The following CBFA2T3 variants were observed in gnomAD, a reference collection of about 807,000 sequenced individuals.
CBFA2T3 encodes transcriptional corepressor CBFA2T3.
A neutral mutation model predicts 58.6 loss-of-function variants in CBFA2T3; 31 were observed. The observed-to-expected ratio is 0.53, with a 90% confidence interval of 0.40 to 0.71. CBFA2T3 has a LOEUF of 0.71. Ranked by LOEUF, CBFA2T3 falls within the 30% of genes least tolerant of loss-of-function variation. The pLI is 0.00. For synonymous variants in CBFA2T3, 531 were observed against 421.9 expected, an observed-to-expected ratio of 1.26 and a Z score of -3.17; for missense variants, 1,076 against 963.1, an observed-to-expected ratio of 1.12 and a Z score of -1.55.
intron 1 of CBFA2T3, among the ~76,000 whole-genome samples, chr16:88,923,756 G>T (rs958083844): frequency 6.6e-6 from 1 of 152,214 alleles, no homozygotes; most frequent in Non-Finnish European, 1.5e-5. Context: ...TGGAACTCGG[G>T]CTCTGGGCTC....
chr16:88,919,894 G>A (rs1278716647), intron 1 of CBFA2T3, among the ~76,000 whole-genome samples: 1 of 152,236 alleles, frequency 6.6e-6, no homozygotes, highest in Non-Finnish European at 1.5e-5. Flanking sequence ...AGGGGCCAAT[G>A]ATAGCGTCTC....
intron 1 of CBFA2T3, among the ~76,000 whole-genome samples, chr16:88,949,432 G>A (rs1225939728): frequency 2.6e-5 from 4 of 152,052 alleles, no homozygotes; most frequent in Non-Finnish European, 4.4e-5. Flanking sequence ...GATGGTGTGT[G>A]CCTGTAGTCC....
chr16:88,934,021 T>C, intron 1 of CBFA2T3, among the ~76,000 whole-genome samples: 1 of 152,252 alleles, frequency 6.6e-6, no homozygotes, highest in East Asian at 1.9e-4. Context: ...CTGGGTTAAG[T>C]AAGATTATAT....
chr16:88,924,110 G>A (rs922428993), intron 1 of CBFA2T3, among the ~76,000 whole-genome samples: 3 of 151,640 alleles, frequency 2.0e-5, no homozygotes, highest in Admixed American at 6.6e-5. Flanking sequence ...TGGGAGGGCC[G>A]CGCCTGCTGG....
intron 1 of CBFA2T3, among the ~76,000 whole-genome samples, chr16:88,921,042 G>A (rs544612870): frequency 9.7e-4 from 148 of 152,334 alleles, no homozygotes; most frequent in African/African-American, 3.5e-3. Flanking sequence ...TCCTCTTGGC[G>A]GAACCTCCCT....
chr16:88,911,858 C>T (rs1970541710), intron 1 of CBFA2T3, among the ~76,000 whole-genome samples: 1 of 151,882 alleles, frequency 6.6e-6, no homozygotes, highest in South Asian at 2.1e-4. Flanking sequence ...ATCGGAGAGC[C>T]TCTGGGGCAC....
At chr16:88,895,705 T>C (rs1202369312) in intron 3 of CBFA2T3, among the ~76,000 whole-genome samples, 1 of 152,050 alleles carries the variant, frequency 6.6e-6, no homozygotes, top group East Asian at 1.9e-4. Flanking sequence ...AGATACCCAC[T>C]GCAGGGGCTG....
intron 8 of CBFA2T3, among the ~76,000 whole-genome samples, chr16:88,882,367 T>TG (rs1364473371): frequency 1.4e-5 from 2 of 145,084 alleles, no homozygotes; most frequent in Non-Finnish European, 3.0e-5. Flanking sequence ...GCTGTGTACA[T>TG]GGGGGGGTTG....
At position 88,876,470 on chromosome 16, in the gene CBFA2T3, T is replaced by G; in HGVS notation, c.*506A>C. 1 of 231,844 alleles carries G rather than the reference T, an allele frequency of 4.3e-6. No homozygotes were observed. Among genetic ancestry groups the G allele is most frequent in the East Asian group, 6.1e-5 (1 of 16,338 alleles). 14.4% of individuals were successfully genotyped at this position (231,844 alleles called of 1,614,324 possible). On this transcript the variant is annotated 3_prime_UTR_variant, in exon 12 of 12. Transcript: ENST00000268679. Reference sequence around the variant, plus strand: ...CAGGAGGGGGAGAACCCCCCCGTTTTCTTTGTCCATTTCTGAGTAGCTCTT... The same window carrying G: ...CAGGAGGGGGAGAACCCCCCCGTTTGCTTTGTCCATTTCTGAGTAGCTCTT...
At chr16:88,880,624 G>A in intron 10 of CBFA2T3, 96 bp downstream of exon 10, 2 of 1,022,594 alleles carry the variant, frequency 2.0e-6, no homozygotes, top group African/African-American at 1.6e-5. Context: ...CCCCCAGAGA[G>A]AGACAGAAGC....
intron 8 of CBFA2T3, among the ~76,000 whole-genome samples, chr16:88,882,399 G>A (rs373204855): frequency 1.2e-4 from 18 of 151,786 alleles, no homozygotes; most frequent in African/African-American, 4.1e-4. Flanking sequence ...ATGGCTGTGT[G>A]TGTGGGTGTG....
At chr16:88,950,244 A>T (rs1185987553) in intron 1 of CBFA2T3, 2 of 438,878 alleles carry the variant, frequency 4.6e-6, no homozygotes, top group East Asian at 1.5e-4. Flanking sequence ...GAGTGTTGGC[A>T]CCTGTCTTCC....
intron 1 of CBFA2T3, among the ~76,000 whole-genome samples, chr16:88,925,694 C>T (rs1457439448): frequency 5.9e-5 from 9 of 152,280 alleles, no homozygotes; most frequent in South Asian, 2.1e-4. Flanking sequence ...CTTCAGGGGC[C>T]GTCCCTCAGC....
intron 1 of CBFA2T3, among the ~76,000 whole-genome samples, chr16:88,925,029 G>A (rs144759914): frequency 6.6e-6 from 1 of 152,222 alleles, no homozygotes; most frequent in African/African-American, 2.4e-5. Context: ...CTGTGTCTGC[G>A]AGGGGTCTCA....
At chr16:88,896,397 C>G (rs569529701) in intron 3 of CBFA2T3, among the ~76,000 whole-genome samples, 2 of 152,310 alleles carry the variant, frequency 1.3e-5, no homozygotes, top group East Asian at 1.9e-4. Flanking sequence ...CGCACCGGCC[C>G]TCTGGAGCGC....
intron 1 of CBFA2T3, among the ~76,000 whole-genome samples, chr16:88,924,721 C>T (rs1221453370): frequency 2.0e-5 from 3 of 152,352 alleles, no homozygotes; most frequent in East Asian, 1.9e-4. Context: ...CAGATGGTCT[C>T]ACCCATTGCC....
intron 2 of CBFA2T3, among the ~76,000 whole-genome samples, chr16:88,900,985 G>A (rs185707467): frequency 5.9e-5 from 9 of 152,374 alleles, no homozygotes; most frequent in African/African-American, 1.4e-4. Flanking sequence ...GTGCTCAGCC[G>A]GGCTGTGGAG....
intron 1 of CBFA2T3, among the ~76,000 whole-genome samples, chr16:88,964,957 C>A (rs1417153787): frequency 1.3e-5 from 2 of 148,770 alleles, no homozygotes; most frequent in African/African-American, 4.9e-5. Context: ...TCCATCTATC[C>A]ATCTATCCAT....
chr16:88,922,304 G>T (rs75506053), intron 1 of CBFA2T3, among the ~76,000 whole-genome samples: 4,858 of 152,330 alleles, frequency 0.032, 273 homozygotes, highest in African/African-American at 0.11. Context: ...CTCAGAGCCG[G>T]TCTAGCCAGA....
Sources: gnomAD v4.1 joint callset for allele counts (sites outside exome capture counted in the v4.1 genomes callset) on GRCh38, gnomAD v4.1.1 for gene constraint, MANE v1.5 for transcripts, NCBI Gene and HGNC (gene_info 2026-07-23, HGNC 2026-07-21) for gene names.